The following CTNNA2 variants were observed in gnomAD, a reference collection of about 807,000 sequenced individuals.
The protein encoded by CTNNA2 is catenin alpha-2.
In CTNNA2, 42 loss-of-function variants were observed where a neutral mutation model predicts 101.0. That is an observed-to-expected ratio of 0.42 (90% confidence interval 0.32 to 0.54). The LOEUF (loss-of-function observed/expected upper bound fraction) is 0.54. Ranked by LOEUF, CTNNA2 falls within the 20% of genes least tolerant of loss-of-function variation. The pLI is 0.14. For synonymous variants in CTNNA2, 450 were observed against 456.4 expected (o/e 0.99, Z 0.18); for missense variants, 871 against 1,223.1 (o/e 0.71, Z 4.29).
At chr2:80,125,970 T>C (rs777729816) in intron 7 of CTNNA2, among the ~76,000 whole-genome samples, 29 of 152,194 alleles carry the variant, frequency 1.9e-4, no homozygotes, top group Non-Finnish European at 3.5e-4. Context: ...AAAGCAATAA[T>C]GATTGGAAAG....
chr2:80,416,238 A>G (rs949190129), intron 8 of CTNNA2, among the ~76,000 whole-genome samples: 2 of 152,328 alleles, frequency 1.3e-5, no homozygotes, highest in Non-Finnish European at 2.9e-5. Flanking sequence ...AGGTAGCTAT[A>G]TGAGGTAATG....
chr2:80,560,677 C>T (rs944994163), intron 12 of CTNNA2, among the ~76,000 whole-genome samples: 1 of 152,134 alleles, frequency 6.6e-6, no homozygotes, highest in African/African-American at 2.4e-5. Flanking sequence ...TCTTCATCTC[C>T]TCCTCCTCCT....
chr2:79,732,355 A>C (rs975878664), intron 2 of CTNNA2, among the ~76,000 whole-genome samples: 137 of 152,218 alleles, frequency 9.0e-4, no homozygotes, highest in Non-Finnish European at 2.2e-4. Context: ...TCATATAAAA[A>C]ATGGGAATTT....
intron 7 of CTNNA2, among the ~76,000 whole-genome samples, chr2:80,025,138 T>C (rs922433270): frequency 2.6e-5 from 4 of 152,198 alleles, no homozygotes; most frequent in African/African-American, 9.6e-5. Flanking sequence ...CACTCCACTT[T>C]GCCCTTCTGC....
intron 7 of CTNNA2, among the ~76,000 whole-genome samples, chr2:80,012,997 C>T (rs1218262758): frequency 1.3e-5 from 2 of 152,100 alleles, no homozygotes; most frequent in African/African-American, 4.8e-5. Flanking sequence ...GACTCTGTCT[C>T]TACAAAAAGT....
chr2:80,143,804 T>A lies in CTNNA2; in HGVS notation c.1056+234007T>A, dbSNP rs548372026. ...TGAGAAGTTCTGTTTTGCCAAATAC[T>A]TGAGTGGAAAAATTATTGTTCCAAA... On this transcript the variant is annotated intron_variant, in intron 7 of 18. Transcript: ENST00000402739. 4.8e-4 allele frequency among the ~76,000 whole-genome samples: 73 copies of A among 152,272 alleles called. 1 individual carries two copies. The highest frequency in any genetic ancestry group is 1.8e-3 in the African/African-American group (73 of 41,566).
chr2:79,642,289 G>C (rs949063042), intron 1 of CTNNA2, among the ~76,000 whole-genome samples: 2 of 152,170 alleles, frequency 1.3e-5, no homozygotes, highest in Non-Finnish European at 2.9e-5. Context: ...TTTGAGGAAA[G>C]TACTTAACTA....
At chr2:79,250,683 G>T (rs144029453) in intron 2 of CTNNA2, among the ~76,000 whole-genome samples, 483 of 152,248 alleles carry the variant, frequency 3.2e-3, no homozygotes, top group Non-Finnish European at 5.9e-3. Context: ...TAGGCCTGTG[G>T]ACTCACATTT....
In CTNNA2 at chr2:80,540,919, C is replaced by T. The variant is rs1033498782; in HGVS notation, c.1291-4063C>T. ...CCACATTTCCCAGGCTGGTCTTCAA[C>T]TCCTGGCTTATTAGGAGCCTCAGCC... On this transcript the variant is annotated intron_variant, in intron 9 of 18. Transcript: ENST00000402739. Among the ~76,000 whole-genome samples the T allele has an allele frequency of 5.9e-5, 9 of 152,302 alleles. No homozygotes were observed. In the East Asian group the frequency reaches 1.2e-3, roughly 20 times the overall value.
In CTNNA2 at chr2:79,769,287, G is replaced by A. The variant is rs866014183; in HGVS notation, c.298+24705G>A. ...GTGTTGCTCTGTTAGCAGGTTGAGGGCATATTTGATCTTGAAAAATGGAGG... is the reference window on the plus strand; with the variant it reads ...GTGTTGCTCTGTTAGCAGGTTGAGGACATATTTGATCTTGAAAAATGGAGG... On this transcript the variant is annotated intron_variant, in intron 3 of 18. Coordinates refer to ENST00000402739, the MANE Select transcript of CTNNA2 (RefSeq NM_001282597.3). Among the ~76,000 whole-genome samples, 7 of 152,180 alleles carry A rather than the reference G, an allele frequency of 4.6e-5. No homozygotes were observed. In the South Asian group the frequency reaches 1.5e-3, roughly 32 times the overall value.
At chr2:79,591,671 T>C (rs1160990025) in intron 1 of CTNNA2, among the ~76,000 whole-genome samples, 1 of 152,196 alleles carries the variant, frequency 6.6e-6, no homozygotes, top group Non-Finnish European at 1.5e-5. Context: ...TTCTAATCTT[T>C]CTGAGCCCAG....
At chr2:79,723,474 C>T (rs1285418458) in intron 2 of CTNNA2, among the ~76,000 whole-genome samples, 2 of 152,202 alleles carry the variant, frequency 1.3e-5, no homozygotes, top group Non-Finnish European at 2.9e-5. Context: ...CTATGCCACT[C>T]ATCAACCGAC....
chr2:80,190,389 A>G (rs1478861440), intron 7 of CTNNA2, among the ~76,000 whole-genome samples: 1 of 152,158 alleles, frequency 6.6e-6, no homozygotes, highest in African/African-American at 2.4e-5. Flanking sequence ...TGCAAACAGC[A>G]TGCGGTTTGT....
intron 2 of CTNNA2, among the ~76,000 whole-genome samples, chr2:79,652,346 T>C (rs1227058384): frequency 6.6e-6 from 1 of 152,080 alleles, no homozygotes; most frequent in Non-Finnish European, 1.5e-5. Flanking sequence ...AAATTTATTA[T>C]TCTAGAGGTC....
chr2:79,755,622 G>A (rs896039174), intron 3 of CTNNA2, among the ~76,000 whole-genome samples: 4 of 152,140 alleles, frequency 2.6e-5, no homozygotes, highest in Non-Finnish European at 4.4e-5. Context: ...ATCTTGATAA[G>A]TCTAGCCATA....
intron 1 of CTNNA2, among the ~76,000 whole-genome samples, chr2:79,535,575 T>TA (rs1673007412): frequency 6.6e-6 from 1 of 152,120 alleles, no homozygotes; most frequent in African/African-American, 2.4e-5. Flanking sequence ...ACTTGACATT[T>TA]AAAAAAATTA....
chr2:79,805,997 T>C (rs1676544053), intron 3 of CTNNA2, among the ~76,000 whole-genome samples: 1 of 152,064 alleles, frequency 6.6e-6, no homozygotes, highest in Admixed American at 6.6e-5. Flanking sequence ...TTTCAAAGAT[T>C]AGTAGGTTAA....
chr2:79,786,101 T>A (rs976582975), intron 3 of CTNNA2, among the ~76,000 whole-genome samples: 2 of 152,156 alleles, frequency 1.3e-5, no homozygotes, highest in Non-Finnish European at 1.5e-5. Flanking sequence ...ATTTCCCATG[T>A]TGAAATATGA....
At chr2:80,241,351 A>G (rs547318106) in intron 7 of CTNNA2, among the ~76,000 whole-genome samples, 2 of 151,986 alleles carry the variant, frequency 1.3e-5, no homozygotes, top group South Asian at 4.2e-4. Flanking sequence ...GTAAATGGTA[A>G]GTAGAGTCAG....
Sources: allele counts gnomAD v4.1 joint callset (sites outside exome capture counted in the v4.1 genomes callset), GRCh38; gene constraint gnomAD v4.1.1; transcripts MANE v1.5; gene names NCBI Gene and HGNC (gene_info 2026-07-23, HGNC 2026-07-21).